Variants in GLP2R observed in about 807,000 individuals in gnomAD.
GLP2R encodes the protein glucagon-like peptide 2 receptor.
A neutral mutation model predicts 68.2 loss-of-function variants in GLP2R; 59 were observed. That is an observed-to-expected ratio of 0.87 (90% CI 0.70 to 1.07). The LOEUF is 1.07. Among genes scored for constraint, GLP2R ranks in the 50% least tolerant of loss-of-function variants. The pLI is 0.00. For synonymous variants in GLP2R, 270 were observed against 265.4 expected (o/e 1.02, Z -0.17); for missense variants, 548 against 677.4 (o/e 0.81, Z 2.12).
At chr17:9,837,606 A>C (rs1434386696) in intron 3 of GLP2R, among the ~76,000 whole-genome samples, 2 of 152,346 alleles carry the variant, frequency 1.3e-5, no homozygotes, top group African/African-American at 4.8e-5. Flanking sequence ...TGGATGGAGA[A>C]TTTAACCACT....
At chr17:9,865,761 G>A in intron 9 of GLP2R, 1 of 468,498 alleles carries the variant, frequency 2.1e-6, no homozygotes, top group Non-Finnish European at 4.4e-6. Flanking sequence ...GGCATGCCTA[G>A]AAGGGAATAT....
intron 11 of GLP2R, among the ~76,000 whole-genome samples, chr17:9,884,401 A>G (rs1358740935): frequency 6.6e-6 from 1 of 152,198 alleles, no homozygotes; most frequent in Non-Finnish European, 1.5e-5. Flanking sequence ...ACATGCTAAC[A>G]TGTATCAGAG....
chr17:9,836,384 C>T lies in GLP2R; in HGVS notation c.291C>T (p.Asn97=), dbSNP rs76930951. 5,627 of 1,605,906 alleles carry T rather than the reference C, an allele frequency of 3.5e-3. 139 individuals are homozygous for T. In the African/African-American group the frequency reaches 0.06, roughly 17 times the overall value. The change falls in exon 3 of 13, where the codon AAC becomes AAT. Residue 97 remains asparagine (N), a synonymous_variant. Coordinates refer to ENST00000262441, the MANE Select transcript of GLP2R (RefSeq NM_004246.3). ...LLKEPSGIFC[N]GTFDQYVCWP... Reference sequence around the variant, plus strand: ...TTCTCTCTGTAGGCATATTTTGTAACGGGACATTTGATCAGTACGTGTGTT... The same window carrying T: ...TTCTCTCTGTAGGCATATTTTGTAATGGGACATTTGATCAGTACGTGTGTT...
At chr17:9,826,657 CT>C (rs1159042030) in intron 1 of GLP2R, among the ~76,000 whole-genome samples, 1 of 152,088 alleles carries the variant, frequency 6.6e-6, no homozygotes, top group African/African-American at 2.4e-5. Flanking sequence ...ATCCATTTTT[CT>C]TTTTCCTTTC....
At position 9,860,158 on chromosome 17, in the gene GLP2R, T is replaced by C. The variant is rs7224453; in HGVS notation, c.925+57T>C. 8.4e-3 allele frequency: 12,265 copies of C among 1,455,538 alleles called. 839 individuals carry two copies. The African/African-American group carries it at 0.15, about 18-fold the overall frequency. 90.2% of individuals were successfully genotyped at this position (1,455,538 alleles called of 1,614,324 possible). ...GGGGATCCATCAAAATATGGGAGCC[T>C]GATAGAGACTTTAGTTGGACTTAGA... is the stretch of plus-strand genomic sequence containing the variant. On this transcript the variant is annotated intron_variant, in intron 7 of 12. Coordinates refer to ENST00000262441, the MANE Select transcript of GLP2R (RefSeq NM_004246.3).
Position 9,863,212 on chromosome 17 carries a change from C to T in GLP2R, c.1056+1122C>T, listed in dbSNP as rs575594636. 8.5e-5 allele frequency among the ~76,000 whole-genome samples: 13 copies of T among 152,316 alleles called. No individual in the cohort carries two copies. The East Asian group carries it at 2.5e-3, about 29-fold the overall frequency. On this transcript the variant is annotated intron_variant, in intron 9 of 12. Coordinates refer to ENST00000262441, the MANE Select transcript of GLP2R (RefSeq NM_004246.3). ...CTCCTGCCCTCCACAGTCCTCTCTCCAGCCACACTGCCCAGCTGGGGTCCT... is the reference window on the plus strand; with the variant it reads ...CTCCTGCCCTCCACAGTCCTCTCTCTAGCCACACTGCCCAGCTGGGGTCCT...
intron 11 of GLP2R, among the ~76,000 whole-genome samples, chr17:9,885,323 G>A (rs1382146017): frequency 6.6e-6 from 1 of 151,908 alleles, no homozygotes; most frequent in Non-Finnish European, 1.5e-5. Context: ...CCGAGTAGCT[G>A]GGATTGCAAG....
intron 3 of GLP2R, among the ~76,000 whole-genome samples, chr17:9,838,686 A>G (rs1281336756): frequency 6.6e-6 from 1 of 152,238 alleles, no homozygotes. Flanking sequence ...GTGATTTGCA[A>G]GAGGTGGGAA....
intron 4 of GLP2R, among the ~76,000 whole-genome samples, chr17:9,845,317 T>C (rs945291862): frequency 6.6e-6 from 1 of 152,250 alleles, no homozygotes; most frequent in Non-Finnish European, 1.5e-5. Flanking sequence ...TCTAAAGTCA[T>C]TTAAATATTA....
rs987808895 is a variant in GLP2R at position 9,838,506 on chromosome 17, C to G, written c.382+2031C>G. Among the ~76,000 whole-genome samples the G allele has an allele frequency of 4.6e-5, 7 of 152,206 alleles. No homozygotes were observed. In the East Asian group the frequency reaches 1.4e-3, roughly 29 times the overall value. ...CCCTACTTCTCTGCTCACTGTCTAC[C>G]TGTCCCTCTCTGCTCACTGTCTACC... On this transcript the variant is annotated intron_variant, in intron 3 of 12. Transcript: ENST00000262441.
intron 5 of GLP2R, among the ~76,000 whole-genome samples, chr17:9,857,187 G>T (rs1315168901): frequency 6.6e-6 from 1 of 152,150 alleles, no homozygotes; most frequent in Non-Finnish European, 1.5e-5. Flanking sequence ...CCAAAGTGCT[G>T]GGATTACAGG....
At chr17:9,886,156 A>AG (rs1190576675) in intron 11 of GLP2R, among the ~76,000 whole-genome samples, 7 of 152,230 alleles carry the variant, frequency 4.6e-5, no homozygotes, top group African/African-American at 1.7e-4. Flanking sequence ...GGAATTGGCA[A>AG]GAACAGGCAT....
intron 11 of GLP2R, among the ~76,000 whole-genome samples, chr17:9,884,494 C>A (rs1351926348): frequency 1.3e-5 from 2 of 152,112 alleles, no homozygotes; most frequent in East Asian, 3.9e-4. Context: ...AAGATTAGAA[C>A]CAGGAGACAC....
At chr17:9,833,928 A>G in intron 2 of GLP2R, 34 bp downstream of exon 2, 3 of 1,348,264 alleles carry the variant, frequency 2.2e-6, no homozygotes, top group Non-Finnish European at 3.2e-6. Flanking sequence ...GTGGCTGTGT[A>G]ACAAATTGCC....
chr17:9,857,615 C>T (rs768284338), intron 6 of GLP2R, 39 bp downstream of exon 6: 1 of 1,600,980 alleles, frequency 6.2e-7, no homozygotes, highest in African/African-American at 1.3e-5. Flanking sequence ...GACTCCCCAC[C>T]TGATGGGTCA....
intron 3 of GLP2R, among the ~76,000 whole-genome samples, chr17:9,839,405 C>T (rs1397365908): frequency 6.6e-6 from 1 of 151,950 alleles, no homozygotes; most frequent in Non-Finnish European, 1.5e-5. Context: ...CTTCCTTCTC[C>T]TCCTCCTCCT....
At chr17:9,865,872 G>A (rs2067031655) in intron 9 of GLP2R, 1 of 471,076 alleles carries the variant, frequency 2.1e-6, no homozygotes, top group Non-Finnish European at 4.4e-6. Flanking sequence ...AGAGAAATGG[G>A]AGCATTCCCT....
intron 4 of GLP2R, among the ~76,000 whole-genome samples, chr17:9,847,512 T>C (rs1474970681): frequency 1.3e-5 from 2 of 152,188 alleles, no homozygotes; most frequent in Admixed American, 6.5e-5. Context: ...TCGTGATCTG[T>C]CCGCCTCAGC....
rs1017499666 is a variant in GLP2R at position 9,836,401 on chromosome 17, A to G, written c.308A>G (p.Tyr103Cys). 1 of 1,611,268 alleles carries G rather than the reference A, an allele frequency of 6.2e-7. No individual in the cohort carries two copies. Among genetic ancestry groups the G allele is most frequent in the Non-Finnish European group, 8.5e-7 (1 of 1,177,372 alleles). Residue 103 changes from tyrosine to cysteine, a missense_variant, in exon 3 of 13, where the codon TAC becomes TGC. Physicochemically the swap from Tyr to Cys is radical, Grantham distance 194 (BLOSUM62 -2). Transcript: ENST00000262441. ...TTTTGTAACGGGACATTTGATCAGT[A>G]CGTGTGTTGGCCTCATTCTTCTCCT... Reference protein sequence around the residue: ...GIFCNGTFDQYVCWPHSSPGN... With the variant: ...GIFCNGTFDQCVCWPHSSPGN...
Sources: gnomAD v4.1 joint callset for allele counts (sites outside exome capture counted in the v4.1 genomes callset) on GRCh38, gnomAD v4.1.1 for gene constraint, MANE v1.5 for transcripts, NCBI Gene and HGNC (gene_info 2026-07-23, HGNC 2026-07-21) for gene names.